The following GTF2A1L variants were observed in gnomAD, a reference collection of about 807,000 sequenced individuals.
The protein encoded by GTF2A1L is general transcription factor IIA subunit 1 like.
GTF2A1L carries 48 observed loss-of-function variants against 49.7 expected under a neutral mutation model. That is an observed-to-expected ratio of 0.97 (90% confidence interval 0.77 to 1.23). GTF2A1L has a LOEUF of 1.23. GTF2A1L is among the 50% of genes most tolerant of loss of function. GTF2A1L has a pLI of 0.00. For missense variants in GTF2A1L, 736 were observed against 564.8 expected (o/e 1.30, Z -3.07); for synonymous variants, 246 against 193.5 (o/e 1.27, Z -2.25).
intron 8 of GTF2A1L, among the ~76,000 whole-genome samples, chr2:48,677,332 G>T (rs781092986): frequency 6.6e-6 from 1 of 151,878 alleles, no homozygotes; most frequent in African/African-American, 2.4e-5. Flanking sequence ...TAGATGGAGT[G>T]TCTAGGGGGG....
intron 8 of GTF2A1L, among the ~76,000 whole-genome samples, chr2:48,676,675 C>G (rs1433520173): frequency 6.6e-6 from 1 of 151,552 alleles, no homozygotes; most frequent in African/African-American, 2.4e-5. Flanking sequence ...TTTTTCTTTT[C>G]AATATGTAGA....
At position 48,642,439 on chromosome 2, in the gene GTF2A1L, T is replaced by C; in HGVS notation, c.285T>C (p.Ser95=). 6.3e-7 allele frequency: 1 copy of C among 1,593,414 alleles called. No individual in the cohort carries two copies. The change falls in exon 4 of 9, where the codon AGT becomes AGC. Residue 95 remains serine, a synonymous_variant. Transcript: ENST00000403751. ...LVIPAGRTLP[S]FTTAELGTSN... Reference sequence around the variant, plus strand: ...TTCCTGCTGGTAGAACTCTTCCAAGTTTTACCACAGCAGAACTGGTATGTA... The same window carrying C: ...TTCCTGCTGGTAGAACTCTTCCAAGCTTTACCACAGCAGAACTGGTATGTA...
At chr2:48,661,534 A>T (rs1283476223) in intron 6 of GTF2A1L, among the ~76,000 whole-genome samples, 2 of 152,074 alleles carry the variant, frequency 1.3e-5, no homozygotes. Flanking sequence ...GATTACAAGC[A>T]TGAGCCACTG....
intron 3 of GTF2A1L, among the ~76,000 whole-genome samples, chr2:48,638,367 G>T (rs995048387): frequency 2.0e-5 from 3 of 152,102 alleles, no homozygotes; most frequent in Non-Finnish European, 2.9e-5. Flanking sequence ...ACATCAAAAA[G>T]CTAATCCACC....
chr2:48,670,248 G>A (rs115816340), intron 7 of GTF2A1L, among the ~76,000 whole-genome samples: 1,911 of 150,482 alleles, frequency 0.013, 48 homozygotes, highest in African/African-American at 0.045. Flanking sequence ...ACAAAAATTA[G>A]CAGGGCATGG....
intron 3 of GTF2A1L, among the ~76,000 whole-genome samples, chr2:48,641,289 G>A (rs1164832026): frequency 1.3e-5 from 2 of 152,072 alleles, no homozygotes; most frequent in East Asian, 1.9e-4. Context: ...AAGCAAGGTC[G>A]TAGATGAACA....
chr2:48,665,142 C>T (rs1292886064), intron 6 of GTF2A1L, among the ~76,000 whole-genome samples: 1 of 151,890 alleles, frequency 6.6e-6, no homozygotes, highest in African/African-American at 2.4e-5. Context: ...GGCTGGTCTC[C>T]AACTCTTGGC....
At chr2:48,653,115 G>T (rs1677958915) in intron 6 of GTF2A1L, among the ~76,000 whole-genome samples, 1 of 151,312 alleles carries the variant, frequency 6.6e-6, no homozygotes, top group Admixed American at 6.6e-5. Context: ...CAGCTACTCG[G>T]GAGGCTGAGG....
At chr2:48,630,461 T>A (rs1384246712) in intron 3 of GTF2A1L, among the ~76,000 whole-genome samples, 1 of 144,414 alleles carries the variant, frequency 6.9e-6, no homozygotes, top group Non-Finnish European at 1.6e-5. Flanking sequence ...TTTTATACAT[T>A]GGTTTTGTAT....
At chr2:48,678,943 C>T (rs1296989415) in intron 8 of GTF2A1L, among the ~76,000 whole-genome samples, 2 of 151,978 alleles carry the variant, frequency 1.3e-5, no homozygotes, top group East Asian at 3.8e-4. Context: ...TTACCTTCTT[C>T]AAGTTTTTGC....
chr2:48,654,545 G>C (rs186009901), intron 6 of GTF2A1L, among the ~76,000 whole-genome samples: 96 of 152,204 alleles, frequency 6.3e-4, no homozygotes, highest in African/African-American at 2.3e-3. Flanking sequence ...ACCATGCCTG[G>C]CTAATTTTTT....
intron 3 of GTF2A1L, among the ~76,000 whole-genome samples, chr2:48,623,532 C>G (rs900513835): frequency 1.3e-5 from 2 of 152,140 alleles, no homozygotes; most frequent in African/African-American, 2.4e-5. Context: ...CAACTTAGAG[C>G]TACAATTCAA....
rs553510880 is a variant in GTF2A1L, at chr2:48,669,599, G to A, written c.979-123G>A. 1.3e-5 allele frequency: 15 copies of A among 1,188,600 alleles called. No individual in the cohort carries two copies. In the South Asian group the frequency reaches 2.7e-4, roughly 21 times the overall value. 73.6% of individuals were successfully genotyped at this position (1,188,600 alleles called of 1,614,324 possible). On this transcript the variant is annotated intron_variant, in intron 6 of 8. Transcript: ENST00000403751. Reference sequence around the variant, plus strand: ...CTAAAATTCAAAGTTAGATTTTAATGTCATAAGAGAGAAGTTTGCTTGAAC... The same window carrying A: ...CTAAAATTCAAAGTTAGATTTTAATATCATAAGAGAGAAGTTTGCTTGAAC...
At position 48,646,855 on chromosome 2, in the gene GTF2A1L, T is replaced by A. The variant is rs755955638; in HGVS notation, c.791T>A (p.Leu264His). The change falls in exon 6 of 9, where the codon CTC becomes CAC. Residue 264 changes from leucine (L) to histidine (H), a missense_variant. Physicochemically the swap from Leu to His is moderately conservative, Grantham distance 99. Transcript: ENST00000403751. ...ACAAATTCTAATGTGGAGTCAGTGC[T>A]CAGTGGTTCAGCTAGCATGGCTCAA... ...SQTNSNVESVLSGSASMAQNL... is the reference protein window; with the variant it reads ...SQTNSNVESVHSGSASMAQNL... 12 of 1,614,084 alleles carry A rather than the reference T, an allele frequency of 7.4e-6. No homozygotes were observed. The highest frequency in any genetic ancestry group is 1.0e-5 in the Non-Finnish European group (12 of 1,180,026).
In GTF2A1L at chr2:48,671,625, A is replaced by G; in HGVS notation, c.1274A>G (p.Gln425Arg). 1 of 1,613,628 alleles carries G rather than the reference A, an allele frequency of 6.2e-7. No individual in the cohort carries two copies. The highest frequency in any genetic ancestry group is 1.1e-5 in the South Asian group (1 of 90,930). Residue 425 changes from glutamine (Q) to arginine (R), a missense_variant, in exon 8 of 9, where the codon CAG becomes CGG. Transcript: ENST00000403751. ...PLNSGDDVSEQDVPDLFDTDN... is the reference protein window; with the variant it reads ...PLNSGDDVSERDVPDLFDTDN... Reference sequence around the variant, plus strand: ...AATTCTGGAGATGATGTTAGTGAACAGGATGTGCCAGACCTGTTTGACACG... The same window carrying G: ...AATTCTGGAGATGATGTTAGTGAACGGGATGTGCCAGACCTGTTTGACACG...
At chr2:48,638,674 T>A (rs1281568415) in intron 3 of GTF2A1L, among the ~76,000 whole-genome samples, 2 of 152,108 alleles carry the variant, frequency 1.3e-5, no homozygotes, top group East Asian at 3.9e-4. Flanking sequence ...AAGACAAGCA[T>A]GCCCTCTCTC....
At chr2:48,637,586 A>T (rs1247531621) in intron 3 of GTF2A1L, among the ~76,000 whole-genome samples, 1 of 152,170 alleles carries the variant, frequency 6.6e-6, no homozygotes, top group African/African-American at 2.4e-5. Flanking sequence ...AGAACACTTC[A>T]GCCCCAAAGC....
intron 3 of GTF2A1L, among the ~76,000 whole-genome samples, chr2:48,635,957 G>T (rs1222473312): frequency 6.6e-6 from 1 of 152,126 alleles, no homozygotes; most frequent in Non-Finnish European, 1.5e-5. Flanking sequence ...GATCTCCTGT[G>T]GAAAGGTGAG....
chr2:48,641,934 T>G (rs1677219081), intron 3 of GTF2A1L, among the ~76,000 whole-genome samples: 2 of 152,208 alleles, frequency 1.3e-5, no homozygotes, highest in African/African-American at 4.8e-5. Flanking sequence ...TGTTCAGGTG[T>G]GCTTGCTTAC....
Sources: allele counts gnomAD v4.1 joint callset (sites outside exome capture counted in the v4.1 genomes callset), GRCh38; gene constraint gnomAD v4.1.1; transcripts MANE v1.5; gene names NCBI Gene and HGNC (gene_info 2026-07-23, HGNC 2026-07-21).